DTNB: variants seen among roughly 807,000 people sequenced by gnomAD.
The protein encoded by DTNB is dystrobrevin beta.
A neutral mutation model predicts 90.7 loss-of-function variants in DTNB; 63 were observed. The observed-to-expected ratio is 0.69, with a 90% CI of 0.57 to 0.86. The LOEUF (loss-of-function observed/expected upper bound fraction) is 0.86. DTNB is among the 40% of genes least tolerant of loss of function. DTNB has a pLI of 0.00. For synonymous variants in DTNB, 277 were observed against 286.7 expected (o/e 0.97, Z 0.34); for missense variants, 744 against 807.1 (o/e 0.92, Z 0.95).
chr2:25,663,076 C>A (rs1459134162), intron 1 of DTNB, among the ~76,000 whole-genome samples: 1 of 151,984 alleles, frequency 6.6e-6, no homozygotes, highest in South Asian at 2.1e-4. Context: ...CCCCACCCCC[C>A]AACAGGCCCC....
At chr2:25,419,203 C>G in intron 16 of DTNB, 3 of 477,296 alleles carry the variant, frequency 6.3e-6, no homozygotes, top group Non-Finnish European at 7.6e-6. Flanking sequence ...AAAATCACTC[C>G]AGACACACAA....
At chr2:25,441,571 C>T (rs189045670) in intron 12 of DTNB, among the ~76,000 whole-genome samples, 1 of 152,158 alleles carries the variant, frequency 6.6e-6, no homozygotes, top group Non-Finnish European at 1.5e-5. Context: ...AACTCAGTAT[C>T]GTGTGTTAGG....
At chr2:25,549,614 C>T (rs1156646590) in intron 8 of DTNB, among the ~76,000 whole-genome samples, 1 of 152,164 alleles carries the variant, frequency 6.6e-6, no homozygotes, top group Non-Finnish European at 1.5e-5. Context: ...TTACAACCAA[C>T]ATTTGCTTAG....
intron 6 of DTNB, among the ~76,000 whole-genome samples, chr2:25,594,608 T>C (rs542486672): frequency 2.0e-5 from 3 of 152,370 alleles, no homozygotes; most frequent in Admixed American, 6.5e-5. Flanking sequence ...GTCAGGAGAA[T>C]CTAGTTTACA....
chr2:25,439,669 A>G (rs1403439424), intron 12 of DTNB, among the ~76,000 whole-genome samples: 1 of 152,176 alleles, frequency 6.6e-6, no homozygotes, highest in Admixed American at 6.5e-5. Flanking sequence ...AAGTAGGGAG[A>G]CGAATTAGTA....
intron 16 of DTNB, among the ~76,000 whole-genome samples, chr2:25,395,194 C>T (rs2042077444): frequency 6.6e-6 from 1 of 152,076 alleles, no homozygotes; most frequent in South Asian, 2.1e-4. Context: ...ACACAAAGGC[C>T]TAAGAATGAT....
chr2:25,485,902 T>C (rs1410333345), intron 9 of DTNB, among the ~76,000 whole-genome samples: 1 of 151,694 alleles, frequency 6.6e-6, no homozygotes, highest in Non-Finnish European at 1.5e-5. Context: ...GGTGGGTGGA[T>C]CACAAGGTCA....
At chr2:25,427,417 AT>A (rs2149891889) in intron 15 of DTNB, 117 bp downstream of exon 15, 1 of 930,540 alleles carries the variant, frequency 1.1e-6, no homozygotes, top group East Asian at 2.9e-5. Flanking sequence ...CTGAAAACTG[AT>A]TCTAGGCTAA....
At position 25,391,186 on chromosome 2, in the gene DTNB, G is replaced by A. The variant is rs377269396; in HGVS notation, c.1576-2825C>T. ...GCTGGGATTACAGGTGTGAGCCACC[G>A]CGCCTGGCCTAGGCAATGACTTTTT... On this transcript the variant is annotated intron_variant, in intron 16 of 20. Coordinates refer to ENST00000406818, the MANE Select transcript of DTNB (RefSeq NM_021907.5). Among the ~76,000 whole-genome samples the A allele has an allele frequency of 2.1e-4, 32 of 152,200 alleles. No homozygotes were observed. The East Asian group carries it at 2.3e-3, about 11-fold the overall frequency.
At chr2:25,462,594 T>C (rs2061142423) in intron 10 of DTNB, among the ~76,000 whole-genome samples, 1 of 152,206 alleles carries the variant, frequency 6.6e-6, no homozygotes, top group Admixed American at 6.5e-5. Context: ...GAAGATTGGA[T>C]AAAATAATGT....
chr2:25,462,655 T>C (rs1474807996), intron 10 of DTNB, among the ~76,000 whole-genome samples: 1 of 152,226 alleles, frequency 6.6e-6, no homozygotes. Flanking sequence ...ACAAGGTACT[T>C]GTGACCTATC....
At chr2:25,652,563 C>T in intron 2 of DTNB, 31 bp downstream of exon 2, 1 of 1,561,964 alleles carries the variant, frequency 6.4e-7, no homozygotes, top group Non-Finnish European at 8.7e-7. Flanking sequence ...ACAAACATTC[C>T]CGCACATATG....
intron 10 of DTNB, among the ~76,000 whole-genome samples, chr2:25,477,984 CTTCT>C (rs1435674170): frequency 6.7e-6 from 1 of 148,690 alleles, no homozygotes; most frequent in African/African-American, 2.5e-5. Flanking sequence ...TATTGTTTCT[CTTCT>C]TTTTCTTTGT....
At chr2:25,627,448 C>T (rs2074470534) in intron 4 of DTNB, among the ~76,000 whole-genome samples, 1 of 151,682 alleles carries the variant, frequency 6.6e-6, no homozygotes, top group Admixed American at 6.6e-5. Context: ...TTACTATAGT[C>T]CAATATTTGA....
chr2:25,444,378 A>G (rs572395356), intron 12 of DTNB, among the ~76,000 whole-genome samples: 1 of 152,102 alleles, frequency 6.6e-6, no homozygotes, highest in South Asian at 2.1e-4. Flanking sequence ...AAAACATACA[A>G]AAAATTAGCC....
At chr2:25,462,743 G>A (rs1341466988) in intron 10 of DTNB, among the ~76,000 whole-genome samples, 5 of 150,028 alleles carry the variant, frequency 3.3e-5, no homozygotes, top group Admixed American at 6.7e-5. Flanking sequence ...TCGCTCTGTC[G>A]CCCAGACTGG....
At chr2:25,504,162 G>A (rs2071610673) in intron 9 of DTNB, among the ~76,000 whole-genome samples, 1 of 152,046 alleles carries the variant, frequency 6.6e-6, no homozygotes, top group Admixed American at 6.6e-5. Context: ...TAGCTACCTG[G>A]GAGGCTGAAG....
chr2:25,474,371 T>C (rs918814931), intron 10 of DTNB, among the ~76,000 whole-genome samples: 1 of 152,198 alleles, frequency 6.6e-6, no homozygotes, highest in Non-Finnish European at 1.5e-5. Context: ...TCATACATGC[T>C]AGTTGTTTCC....
intron 8 of DTNB, among the ~76,000 whole-genome samples, chr2:25,562,755 AT>A (rs1269362771): frequency 6.6e-6 from 1 of 151,244 alleles, no homozygotes; most frequent in Non-Finnish European, 1.5e-5. Flanking sequence ...TCCTTTCCCC[AT>A]TTTTTCCCCC....
Sources: allele counts gnomAD v4.1 joint callset (sites outside exome capture counted in the v4.1 genomes callset), GRCh38; gene constraint gnomAD v4.1.1; transcripts MANE v1.5; gene names NCBI Gene and HGNC (gene_info 2026-07-23, HGNC 2026-07-21).